Variants in EVI5 observed in about 807,000 individuals in gnomAD.
EVI5 encodes the protein ecotropic viral integration site 5, also known as ecotropic viral integration site 5 protein homolog.
In EVI5, 73 loss-of-function variants were observed where a neutral mutation model predicts 112.0. That is an observed-to-expected ratio of 0.65 (90% CI 0.54 to 0.79). The LOEUF is 0.79. EVI5 is among the 30% of genes least tolerant of loss of function. The pLI is 0.00. For synonymous variants in EVI5, 305 were observed against 319.9 expected (o/e 0.95, Z 0.50); for missense variants, 900 against 968.8 (o/e 0.93, Z 0.94).
At chr1:92,577,112 T>C (rs994257250) in intron 18 of EVI5, among the ~76,000 whole-genome samples, 14 of 152,230 alleles carry the variant, frequency 9.2e-5, no homozygotes, top group Non-Finnish European at 2.1e-4. Context: ...GCCATACTCT[T>C]GCCAAGTCCA....
rs548494241 is a variant in EVI5, at chr1:92,691,754, GA to G, written c.1097+2047del. Among the ~76,000 whole-genome samples, 72 of 150,146 alleles carry G rather than the reference GA, an allele frequency of 4.8e-4. No individual in the cohort carries two copies. In the South Asian group the frequency reaches 7.7e-3, roughly 16 times the overall value. On this transcript the variant is annotated intron_variant, in intron 9 of 19. Coordinates refer to ENST00000684568, the MANE Select transcript of EVI5 (RefSeq NM_001350197.2). ...CGTATTCTGAATTAGCATTATAAAGGAAAAAAAAATACTGTATTCTAAAAAG... is the reference window on the plus strand; with the variant it reads ...CGTATTCTGAATTAGCATTATAAAGGAAAAAAAATACTGTATTCTAAAAAG...
intron 11 of EVI5, among the ~76,000 whole-genome samples, chr1:92,664,064 T>C (rs752750142): frequency 2.0e-5 from 3 of 152,208 alleles, no homozygotes; most frequent in Non-Finnish European, 4.4e-5. Flanking sequence ...TTCCTCTTCC[T>C]CTTTTGGTAT....
intron 18 of EVI5, among the ~76,000 whole-genome samples, chr1:92,586,266 T>C (rs547747368): frequency 6.6e-5 from 10 of 152,316 alleles, no homozygotes; most frequent in East Asian, 3.9e-4. Flanking sequence ...AGTTGCTAAG[T>C]GCAGCCCATG....
intron 1 of EVI5, among the ~76,000 whole-genome samples, chr1:92,760,587 A>T (rs1681674682): frequency 6.6e-6 from 1 of 152,040 alleles, no homozygotes; most frequent in Non-Finnish European, 1.5e-5. Flanking sequence ...CAAAAAAATT[A>T]GCTGGGTGTG....
Position 92,681,971 on chromosome 1 carries a change from G to A in EVI5, c.1098-4753C>T, listed in dbSNP as rs926110610. 1.4e-4 allele frequency among the ~76,000 whole-genome samples: 21 copies of A among 151,972 alleles called. 1 individual carries two copies. The highest frequency in any genetic ancestry group is 7.7e-4 in the East Asian group (4 of 5,168). The stretch of plus-strand genomic sequence containing the variant: ...TTGCCTATGCTACTACAGTCCCATT[G>A]GTTTTCCTCCTTTTCATTTTTGCAG... On this transcript the variant is annotated intron_variant, in intron 9 of 19. Coordinates refer to ENST00000684568, the MANE Select transcript of EVI5 (RefSeq NM_001350197.2).
At chr1:92,617,698 T>C (rs374343755) in intron 16 of EVI5, among the ~76,000 whole-genome samples, 4 of 152,212 alleles carry the variant, frequency 2.6e-5, no homozygotes, top group Non-Finnish European at 5.9e-5. Context: ...ACTGAGCCCT[T>C]GATATGGCAC....
At chr1:92,591,163 CA>C (rs1298178096) in intron 18 of EVI5, among the ~76,000 whole-genome samples, 3 of 152,180 alleles carry the variant, frequency 2.0e-5, no homozygotes, top group Non-Finnish European at 4.4e-5. Flanking sequence ...AAAAACATGC[CA>C]AATTGTAAAG....
At chr1:92,583,611 A>T (rs1385207105) in intron 18 of EVI5, among the ~76,000 whole-genome samples, 1 of 151,974 alleles carries the variant, frequency 6.6e-6, no homozygotes, top group Non-Finnish European at 1.5e-5. Flanking sequence ...AAAAATCAGA[A>T]TAGGAATAAA....
At chr1:92,684,441 C>CA (rs1668151460) in intron 9 of EVI5, among the ~76,000 whole-genome samples, 1 of 152,124 alleles carries the variant, frequency 6.6e-6, no homozygotes, top group Middle Eastern at 3.2e-3. Flanking sequence ...CCAGCCACTG[C>CA]AAAAACATGA....
chr1:92,653,688 G>T (rs772541358), intron 13 of EVI5, among the ~76,000 whole-genome samples: 12 of 152,190 alleles, frequency 7.9e-5, no homozygotes, highest in Non-Finnish European at 1.5e-4. Flanking sequence ...TTGTGCAAAA[G>T]GTGGGACCCC....
At chr1:92,656,115 G>C (rs1186244431) in intron 13 of EVI5, among the ~76,000 whole-genome samples, 1 of 152,038 alleles carries the variant, frequency 6.6e-6, no homozygotes, top group African/African-American at 2.4e-5. Flanking sequence ...ATCAGCACAT[G>C]AAATGTTCTC....
At chr1:92,759,690 A>G (rs993460319) in intron 1 of EVI5, among the ~76,000 whole-genome samples, 1 of 152,124 alleles carries the variant, frequency 6.6e-6, no homozygotes, top group Non-Finnish European at 1.5e-5. Context: ...TATATATATC[A>G]TATAGGTGGG....
intron 19 of EVI5, among the ~76,000 whole-genome samples, chr1:92,528,408 A>G (rs1270115051): frequency 6.6e-6 from 1 of 152,220 alleles, no homozygotes; most frequent in Non-Finnish European, 1.5e-5. Flanking sequence ...CATTCTCAAA[A>G]GTGTCCTGGC....
intron 19 of EVI5, among the ~76,000 whole-genome samples, chr1:92,518,925 G>A (rs548462620): frequency 6.6e-6 from 1 of 152,188 alleles, no homozygotes; most frequent in Non-Finnish European, 1.5e-5. Context: ...TCAAAATTCT[G>A]AGAAAAAATA....
intron 2 of EVI5, among the ~76,000 whole-genome samples, chr1:92,712,292 A>G (rs774621301): frequency 6.6e-6 from 1 of 152,208 alleles, no homozygotes; most frequent in Non-Finnish European, 1.5e-5. Context: ...GAGACAACAC[A>G]GAAGAAAGAT....
intron 18 of EVI5, among the ~76,000 whole-genome samples, chr1:92,568,122 C>T (rs550071404): frequency 6.6e-6 from 1 of 152,026 alleles, no homozygotes; most frequent in East Asian, 1.9e-4. Context: ...GACTGTATTC[C>T]TAGCACTTTC....
intron 9 of EVI5, among the ~76,000 whole-genome samples, chr1:92,680,291 T>C (rs1310683567): frequency 6.6e-6 from 1 of 152,152 alleles, no homozygotes; most frequent in South Asian, 2.1e-4. Flanking sequence ...CTGGAATATT[T>C]TGTTGCCCCA....
At chr1:92,518,981 C>T (rs766450182) in intron 19 of EVI5, among the ~76,000 whole-genome samples, 1 of 152,248 alleles carries the variant, frequency 6.6e-6, no homozygotes, top group South Asian at 2.1e-4. Context: ...TTTTAAGATA[C>T]TCACTCAAAC....
At chr1:92,538,885 G>C (rs901911736) in intron 19 of EVI5, among the ~76,000 whole-genome samples, 2 of 152,138 alleles carry the variant, frequency 1.3e-5, no homozygotes, top group African/African-American at 2.4e-5. Flanking sequence ...GCTGGATATA[G>C]GTCTCAAAAT....
Sources: allele counts gnomAD v4.1 joint callset (sites outside exome capture counted in the v4.1 genomes callset), GRCh38; gene constraint gnomAD v4.1.1; transcripts MANE v1.5; gene names NCBI Gene and HGNC (gene_info 2026-07-23, HGNC 2026-07-21).